CCSER1: variants seen among roughly 807,000 people sequenced by gnomAD.
The protein encoded by CCSER1 is coiled-coil serine rich protein 1.
A neutral mutation model predicts 82.0 loss-of-function variants in CCSER1; 41 were observed. The observed-to-expected ratio is 0.50, with a 90% CI of 0.39 to 0.65. CCSER1 has a LOEUF of 0.65. CCSER1 is among the 30% of genes least tolerant of loss of function. The pLI is 0.00. For synonymous variants in CCSER1, 414 were observed against 383.9 expected (o/e 1.08, Z -0.92); for missense variants, 1,119 against 1,064.2 (o/e 1.05, Z -0.72).
intron 2 of CCSER1, among the ~76,000 whole-genome samples, chr4:90,312,003 G>A (rs1735370523): frequency 6.6e-6 from 1 of 152,150 alleles, no homozygotes. Flanking sequence ...TAACTGCTGA[G>A]GGTAAGTTTA....
At chr4:91,493,137 T>C (rs1758637030) in intron 10 of CCSER1, among the ~76,000 whole-genome samples, 2 of 150,658 alleles carry the variant, frequency 1.3e-5, no homozygotes, top group African/African-American at 5.0e-5. Flanking sequence ...ATAGAAAGCC[T>C]GAAGGATGTG....
intron 10 of CCSER1, among the ~76,000 whole-genome samples, chr4:91,463,655 T>C (rs963405549): frequency 1.3e-5 from 2 of 152,178 alleles, no homozygotes; most frequent in African/African-American, 2.4e-5. Context: ...AGAGAAGTCC[T>C]TAAATGACCT....
chr4:90,600,389 G>A (rs1296700909), intron 5 of CCSER1, among the ~76,000 whole-genome samples: 2 of 152,052 alleles, frequency 1.3e-5, no homozygotes, highest in Admixed American at 1.3e-4. Flanking sequence ...TTTGTGTGTA[G>A]TCATTTTTCT....
intron 9 of CCSER1, among the ~76,000 whole-genome samples, chr4:91,025,276 G>T (rs1459736075): frequency 6.6e-6 from 1 of 152,120 alleles, no homozygotes; most frequent in Non-Finnish European, 1.5e-5. Flanking sequence ...TATTCTTCCA[G>T]CTGTCTCTAA....
At chr4:90,466,023 A>C (rs1235167252) in intron 4 of CCSER1, among the ~76,000 whole-genome samples, 1 of 152,240 alleles carries the variant, frequency 6.6e-6, no homozygotes, top group Admixed American at 6.5e-5. Context: ...CACACTTAAA[A>C]GAATGGCTTT....
At chr4:90,509,596 C>T (rs1008588719) in intron 5 of CCSER1, among the ~76,000 whole-genome samples, 13 of 152,066 alleles carry the variant, frequency 8.5e-5, no homozygotes, top group African/African-American at 3.1e-4. Flanking sequence ...TGACTTAGAA[C>T]AATTTTAGAG....
In CCSER1 at chr4:90,793,551, A is replaced by C. The variant is rs188564073; in HGVS notation, c.2011-22211A>C. On this transcript the variant is annotated intron_variant, in intron 7 of 10. Transcript: ENST00000509176. ...GTATTTCATGATGTTTATATACCACATTTTTTCTATCCAGTCTGCCATTGA... is the reference window on the plus strand; with the variant it reads ...GTATTTCATGATGTTTATATACCACCTTTTTTCTATCCAGTCTGCCATTGA... Among the ~76,000 whole-genome samples, 1,348 of 152,028 alleles carry C rather than the reference A, an allele frequency of 8.9e-3. 14 individuals are homozygous for C. The highest frequency in any genetic ancestry group is 0.019 in the South Asian group (93 of 4,812).
intron 10 of CCSER1, among the ~76,000 whole-genome samples, chr4:91,596,142 G>T (rs948433269): frequency 2.0e-5 from 3 of 151,966 alleles, no homozygotes; most frequent in Non-Finnish European, 2.9e-5. Context: ...GAGAAGGGGT[G>T]CTGAGGCTGC....
intron 10 of CCSER1, among the ~76,000 whole-genome samples, chr4:91,495,723 C>G (rs373531398): frequency 6.6e-6 from 1 of 151,214 alleles, no homozygotes; most frequent in African/African-American, 2.4e-5. Flanking sequence ...TCAGGATGAA[C>G]GAAATGTAAA....
intron 9 of CCSER1, among the ~76,000 whole-genome samples, chr4:91,076,697 T>C (rs1220526847): frequency 6.6e-6 from 1 of 152,220 alleles, no homozygotes; most frequent in African/African-American, 2.4e-5. Flanking sequence ...GTAAGTCTTG[T>C]CTTCCAGCTT....
intron 10 of CCSER1, among the ~76,000 whole-genome samples, chr4:91,570,102 A>G (rs1237158351): frequency 1.3e-5 from 2 of 152,178 alleles, no homozygotes; most frequent in East Asian, 3.9e-4. Context: ...AAGCTGCAAA[A>G]TGATCTCCTT....
intron 1 of CCSER1, among the ~76,000 whole-genome samples, chr4:90,165,337 T>C (rs1001218428): frequency 2.2e-4 from 33 of 152,076 alleles, no homozygotes; most frequent in African/African-American, 8.0e-4. Context: ...AGGATTTTAA[T>C]GTAACTGCTG....
chr4:91,103,329 T>C (rs906093774), intron 10 of CCSER1, among the ~76,000 whole-genome samples: 1 of 152,104 alleles, frequency 6.6e-6, no homozygotes, highest in East Asian at 1.9e-4. Context: ...CCTTTAATCA[T>C]ACCAAAGGGG....
At chr4:90,580,426 G>A (rs993763775) in intron 5 of CCSER1, among the ~76,000 whole-genome samples, 6 of 152,090 alleles carry the variant, frequency 3.9e-5, no homozygotes, top group African/African-American at 4.8e-5. Flanking sequence ...AGTATGCAGC[G>A]TCTGTGTGAC....
chr4:90,825,514 A>G (rs530812281), intron 8 of CCSER1, among the ~76,000 whole-genome samples: 49 of 152,280 alleles, frequency 3.2e-4, no homozygotes, highest in African/African-American at 1.2e-3. Flanking sequence ...CTGAATTATC[A>G]TGGAAATTAA....
intron 7 of CCSER1, among the ~76,000 whole-genome samples, chr4:90,790,428 A>G (rs1755076963): frequency 6.6e-6 from 1 of 152,160 alleles, no homozygotes; most frequent in Non-Finnish European, 1.5e-5. Flanking sequence ...AAGTATACTA[A>G]AATACTTGTT....
chr4:91,474,822 C>CATATATATATATATATATATATAT (rs1757495787), intron 10 of CCSER1, among the ~76,000 whole-genome samples: 3 of 147,396 alleles, frequency 2.0e-5, no homozygotes, highest in Admixed American at 6.8e-5. Context: ...TACACACACA[C>CATATATATATATATATATATATAT]ACACACACAC....
intron 7 of CCSER1, among the ~76,000 whole-genome samples, chr4:90,770,184 A>C (rs1460065172): frequency 6.6e-6 from 1 of 152,178 alleles, no homozygotes; most frequent in African/African-American, 2.4e-5. Flanking sequence ...AGAAGACCAT[A>C]GCCCTGGCCT....
chr4:91,588,203 T>C (rs1344213187), intron 10 of CCSER1, among the ~76,000 whole-genome samples: 1 of 151,454 alleles, frequency 6.6e-6, no homozygotes, highest in African/African-American at 2.4e-5. Context: ...GCGACTACTC[T>C]GAGTTTGCAA....
Sources: allele counts gnomAD v4.1 joint callset (sites outside exome capture counted in the v4.1 genomes callset), GRCh38; gene constraint gnomAD v4.1.1; transcripts MANE v1.5; gene names NCBI Gene and HGNC (gene_info 2026-07-23, HGNC 2026-07-21).